USH2A: variants seen among roughly 807,000 people sequenced by gnomAD.
The protein encoded by USH2A is Usher syndrome 2A (autosomal recessive, mild).
In USH2A, 443 loss-of-function variants were observed where a neutral mutation model predicts 538.9. The observed-to-expected ratio is 0.82, with a 90% CI of 0.76 to 0.89. The LOEUF is 0.89. Among genes scored for constraint, USH2A ranks in the 40% least tolerant of loss-of-function variants. The pLI is 0.00. For missense variants in USH2A, 6,633 were observed against 6,324.8 expected (o/e 1.05, Z -1.65); for synonymous variants, 2,413 against 2,273.5 (o/e 1.06, Z -1.75).
chr1:216,317,763 G>A (rs2037536477), intron 9 of USH2A, among the ~76,000 whole-genome samples: 1 of 152,044 alleles, frequency 6.6e-6, no homozygotes, highest in African/African-American at 2.4e-5. Flanking sequence ...TGAGGCAGAA[G>A]AATTGCTTGA....
chr1:215,928,388 A>ATT (rs150502493), intron 38 of USH2A, among the ~76,000 whole-genome samples: 136 of 151,794 alleles, frequency 9.0e-4, no homozygotes, highest in African/African-American at 3.3e-3. Context: ...TGCTTTCTTC[A>ATT]TTTTTTTTGG....
intron 32 of USH2A, among the ~76,000 whole-genome samples, chr1:216,011,067 T>A (rs1467795456): frequency 1.3e-5 from 2 of 152,112 alleles, no homozygotes; most frequent in Non-Finnish European, 2.9e-5. Context: ...TTAAAGCCTA[T>A]AAACTCTCCT....
At chr1:216,249,073 C>CT (rs1014252961) in intron 12 of USH2A, among the ~76,000 whole-genome samples, 13 of 150,540 alleles carry the variant, frequency 8.6e-5, no homozygotes, top group Non-Finnish European at 1.8e-4. Context: ...TTCTGGGCTT[C>CT]TTTTTTTTTC....
chr1:215,733,182 AAG>A (rs1440069213), intron 60 of USH2A, among the ~76,000 whole-genome samples: 8 of 127,582 alleles, frequency 6.3e-5, no homozygotes, highest in Non-Finnish European at 1.6e-5. Flanking sequence ...GAGCAGGAGC[AAG>A]AGAGAGAGGT....
intron 55 of USH2A, among the ~76,000 whole-genome samples, chr1:215,771,761 C>T (rs1010798627): frequency 1.3e-5 from 2 of 151,904 alleles, no homozygotes; most frequent in African/African-American, 4.8e-5. Flanking sequence ...TATCTACTTA[C>T]CAAGTACTAG....
chr1:215,895,353 G>T (rs1008477088), intron 40 of USH2A, among the ~76,000 whole-genome samples: 2 of 152,260 alleles, frequency 1.3e-5, no homozygotes, highest in South Asian at 4.1e-4. Flanking sequence ...TTCAGAAGGG[G>T]ATATTGATGA....
intron 64 of USH2A, among the ~76,000 whole-genome samples, chr1:215,656,557 G>C (rs757062086): frequency 1.3e-5 from 2 of 152,186 alleles, no homozygotes; most frequent in Non-Finnish European, 2.9e-5. Context: ...TCTCTAATCT[G>C]TTAACTCCTA....
At chr1:215,764,227 T>G (rs1176486788) in intron 56 of USH2A, among the ~76,000 whole-genome samples, 2 of 151,840 alleles carry the variant, frequency 1.3e-5, no homozygotes, top group African/African-American at 2.4e-5. Context: ...TGCTATAGTG[T>G]AAAGAGTAGA....
At chr1:215,704,107 G>A (rs1032038095) in intron 61 of USH2A, among the ~76,000 whole-genome samples, 3 of 152,150 alleles carry the variant, frequency 2.0e-5, no homozygotes, top group East Asian at 3.9e-4. Context: ...GTGAGGCGAC[G>A]CCCCACCCTG....
At chr1:215,810,847 G>C (rs1179987051) in intron 49 of USH2A, among the ~76,000 whole-genome samples, 1 of 152,116 alleles carries the variant, frequency 6.6e-6, no homozygotes, top group African/African-American at 2.4e-5. Context: ...TTTTTCTTAA[G>C]TGGAAAATCT....
At chr1:216,019,880 G>T (rs1174968121) in intron 32 of USH2A, among the ~76,000 whole-genome samples, 2 of 152,178 alleles carry the variant, frequency 1.3e-5, no homozygotes, top group Non-Finnish European at 2.9e-5. Context: ...TTAGAATTAT[G>T]CTGTATACCT....
intron 9 of USH2A, among the ~76,000 whole-genome samples, chr1:216,320,699 T>C (rs1006016241): frequency 6.6e-6 from 1 of 152,198 alleles, no homozygotes; most frequent in Non-Finnish European, 1.5e-5. Flanking sequence ...TAATCTTTTA[T>C]ATGTTTATTA....
intron 64 of USH2A, among the ~76,000 whole-genome samples, chr1:215,654,054 G>A (rs1184205721): frequency 6.6e-6 from 1 of 151,998 alleles, no homozygotes; most frequent in Non-Finnish European, 1.5e-5. Context: ...TATTGGGGAA[G>A]AAAAGCAAGT....
intron 36 of USH2A, among the ~76,000 whole-genome samples, chr1:215,968,430 C>T (rs1667409160): frequency 6.6e-6 from 1 of 151,774 alleles, no homozygotes; most frequent in Non-Finnish European, 1.5e-5. Context: ...TAATAGCTAA[C>T]AAACTGGTCA....
chr1:215,912,708 TA>T (rs1258683647), intron 38 of USH2A, among the ~76,000 whole-genome samples: 1 of 152,006 alleles, frequency 6.6e-6, no homozygotes. Context: ...GTTATGTAGG[TA>T]AACTGAAGTC....
chr1:216,010,519 C>T (rs955191122), intron 32 of USH2A, among the ~76,000 whole-genome samples: 7 of 151,798 alleles, frequency 4.6e-5, no homozygotes, highest in Admixed American at 3.9e-4. Flanking sequence ...TCACGGATGC[C>T]GAGCTTTAGG....
chr1:216,163,474 T>C (rs2034104377), intron 21 of USH2A, among the ~76,000 whole-genome samples: 2 of 152,074 alleles, frequency 1.3e-5, no homozygotes, highest in South Asian at 4.1e-4. Flanking sequence ...TTCTATTTTT[T>C]ATTTTATTTA....
intron 9 of USH2A, among the ~76,000 whole-genome samples, chr1:216,306,964 C>T (rs577205607): frequency 6.6e-6 from 1 of 152,208 alleles, no homozygotes; most frequent in East Asian, 1.9e-4. Flanking sequence ...CTGTGAGGGT[C>T]CTTTGTTGTA....
intron 35 of USH2A, among the ~76,000 whole-genome samples, chr1:215,982,022 A>T (rs1293268138): frequency 2.6e-5 from 4 of 152,240 alleles, no homozygotes; most frequent in Non-Finnish European, 5.9e-5. Context: ...TCAATCAACA[A>T]ATTAGTTCTT....
Sources: allele counts gnomAD v4.1 joint callset (sites outside exome capture counted in the v4.1 genomes callset), GRCh38; gene constraint gnomAD v4.1.1; transcripts MANE v1.5; gene names NCBI Gene and HGNC (gene_info 2026-07-23, HGNC 2026-07-21).